LIN28B: variants seen among roughly 807,000 people sequenced by gnomAD.
LIN28B encodes lin-28 RNA binding posttranscriptional regulator B.
In LIN28B, 5 loss-of-function variants were observed where a neutral mutation model predicts 21.9. The observed-to-expected ratio is 0.23, with a 90% confidence interval of 0.12 to 0.48. The LOEUF is 0.48. Among genes scored for constraint, LIN28B ranks in the 20% least tolerant of loss-of-function variants. The probability of loss-of-function intolerance (pLI) is 0.98; values close to 1 mark genes in which losing one functional copy is unlikely to be tolerated. For synonymous variants in LIN28B, 109 were observed against 111.3 expected, an observed-to-expected ratio of 0.98 and a Z score of 0.13; for missense variants, 245 against 310.5, an observed-to-expected ratio of 0.79 and a Z score of 1.58.
At chr6:105,019,319 A>C (rs1348343105) in intron 2 of LIN28B, among the ~76,000 whole-genome samples, 2 of 152,134 alleles carry the variant, frequency 1.3e-5, no homozygotes, top group African/African-American at 4.8e-5. Context: ...GAGGGATAGG[A>C]ATGATTTAAG....
chr6:104,939,351 A>C (rs1467807802), intron 2 of LIN28B: 1 of 152,252 alleles, frequency 6.6e-6, no homozygotes, highest in African/African-American at 2.4e-5. Flanking sequence ...GGCATCTTTA[A>C]AGTAAGTGGT....
At chr6:104,940,635 C>T (rs914732466) in intron 2 of LIN28B, 5 of 150,526 alleles carry the variant, frequency 3.3e-5, no homozygotes, top group African/African-American at 1.2e-4. Context: ...GCGCGTGCCG[C>T]CGGCTGACGC....
intron 3 of LIN28B, among the ~76,000 whole-genome samples, chr6:105,037,739 G>A (rs1319373729): frequency 6.6e-6 from 1 of 151,802 alleles, no homozygotes; most frequent in African/African-American, 2.4e-5. Context: ...TCAAACTCCT[G>A]ACCTCAAGTG....
intron 2 of LIN28B, among the ~76,000 whole-genome samples, chr6:105,009,201 T>G: frequency 6.6e-6 from 1 of 152,336 alleles, no homozygotes; most frequent in South Asian, 2.1e-4. Context: ...AAAAAAAATA[T>G]ATGAACCTGG....
intron 2 of LIN28B, among the ~76,000 whole-genome samples, chr6:104,999,157 A>T (rs909749131): frequency 6.6e-6 from 1 of 151,964 alleles, no homozygotes; most frequent in Non-Finnish European, 1.5e-5. Context: ...TTATTATTTT[A>T]TTTATTTATT....
chr6:105,081,645 T>C lies in LIN28B; in HGVS notation c.*2862T>C, dbSNP rs1029706600. On this transcript the variant is annotated 3_prime_UTR_variant, in exon 4 of 4. Coordinates refer to ENST00000345080, the MANE Select transcript of LIN28B (RefSeq NM_001004317.4). ...TTCCTTAAAATAATCATGTATTTAG[T>C]TTAAAGAATTATGGGCACTGTTCAA... is the stretch of plus-strand genomic sequence containing the variant. 2 of 152,264 alleles carry C rather than the reference T, an allele frequency of 1.3e-5. No homozygotes were observed. Among genetic ancestry groups the C allele is most frequent in the Non-Finnish European group, 2.9e-5 (2 of 68,028 alleles). The allele number at this position is 152,264 out of a possible 1,614,324, so 9.4% of individuals were successfully genotyped here.
chr6:105,011,335 C>T (rs1770918122), intron 2 of LIN28B, among the ~76,000 whole-genome samples: 3 of 152,106 alleles, frequency 2.0e-5, no homozygotes, highest in Admixed American at 6.5e-5. Flanking sequence ...GGACTACAGA[C>T]ACATGTCACA....
rs547205136 is a variant in LIN28B, at chr6:105,023,983, T to G, written c.199-2315T>G. ...TAAGTGATAGAGTTTTGTTTGTTTG[T>G]TTGGTTGTTTTTTTTTGAGACAGGG... is the stretch of plus-strand genomic sequence containing the variant. On this transcript the variant is annotated intron_variant, in intron 2 of 3. Transcript: ENST00000345080. Among the ~76,000 whole-genome samples, 13 of 151,822 alleles carry G rather than the reference T, an allele frequency of 8.6e-5. 1 individual carries two copies. The highest frequency in any genetic ancestry group is 7.8e-4 in the East Asian group (4 of 5,158).
intron 2 of LIN28B, among the ~76,000 whole-genome samples, chr6:105,007,019 G>A (rs942037428): frequency 1.3e-5 from 2 of 152,102 alleles, no homozygotes; most frequent in Non-Finnish European, 2.9e-5. Flanking sequence ...ATTCATATAT[G>A]CTCTTGCCAT....
intron 3 of LIN28B, among the ~76,000 whole-genome samples, chr6:105,072,179 G>T (rs1269062656): frequency 6.6e-6 from 1 of 151,904 alleles, no homozygotes; most frequent in East Asian, 1.9e-4. Flanking sequence ...CAATATTGTT[G>T]GGTATAACAT....
At position 105,032,733 on chromosome 6, in the gene LIN28B, T is replaced by A. The variant is rs547932739; in HGVS notation, c.383+6251T>A. 6.5e-3 allele frequency among the ~76,000 whole-genome samples: 973 copies of A among 150,392 alleles called. 28 individuals are homozygous for A. The East Asian group carries it at 0.1, about 15-fold the overall frequency. ...AGACCCTGCCTCAAAAAAAAAAAAA[T>A]TTTTTTTAACCATTCTGTTAGGCGT... On this transcript the variant is annotated intron_variant, in intron 3 of 3. Transcript: ENST00000345080.
intron 2 of LIN28B, among the ~76,000 whole-genome samples, chr6:104,986,063 T>C (rs915111219): frequency 6.6e-6 from 1 of 152,094 alleles, no homozygotes; most frequent in African/African-American, 2.4e-5. Flanking sequence ...GGGGGCCGAT[T>C]TTCTACTTGC....
chr6:105,037,467 TCTCCTCCC>T (rs1771541901), intron 3 of LIN28B, among the ~76,000 whole-genome samples: 1 of 147,744 alleles, frequency 6.8e-6, no homozygotes, highest in South Asian at 2.2e-4. Flanking sequence ...TCCCCTCACT[TCTCCTCCC>T]CTCTCCTCCC....
intron 2 of LIN28B, among the ~76,000 whole-genome samples, chr6:104,970,476 C>T (rs967350004): frequency 6.6e-6 from 1 of 152,050 alleles, no homozygotes; most frequent in South Asian, 2.1e-4. Flanking sequence ...AAATATTTAT[C>T]GATATGTGTC....
At chr6:104,945,795 A>C (rs1229831814) in intron 2 of LIN28B, among the ~76,000 whole-genome samples, 2 of 152,134 alleles carry the variant, frequency 1.3e-5, no homozygotes, top group African/African-American at 4.8e-5. Context: ...TTTAAGCTAA[A>C]GAATTGTGTT....
intron 2 of LIN28B, among the ~76,000 whole-genome samples, chr6:105,017,477 C>CT (rs1395151776): frequency 6.6e-6 from 1 of 152,116 alleles, no homozygotes; most frequent in African/African-American, 2.4e-5. Context: ...GAGCATTGTT[C>CT]TAGGCATTGT....
At chr6:104,938,090 A>T (rs1304315147) in intron 2 of LIN28B, among the ~76,000 whole-genome samples, 1 of 151,014 alleles carries the variant, frequency 6.6e-6, no homozygotes, top group Non-Finnish European at 1.5e-5. Flanking sequence ...TAGGCAGAAA[A>T]AAACCAAAAA....
intron 2 of LIN28B, among the ~76,000 whole-genome samples, chr6:104,973,639 C>T (rs901701195): frequency 6.6e-6 from 1 of 152,152 alleles, no homozygotes; most frequent in Middle Eastern, 3.2e-3. Flanking sequence ...AAGTGTCGTT[C>T]CTTGACGAAG....
chr6:105,005,378 G>A (rs1228221621), intron 2 of LIN28B, among the ~76,000 whole-genome samples: 1 of 151,588 alleles, frequency 6.6e-6, no homozygotes, highest in South Asian at 2.1e-4. Context: ...CCTTCTGTTC[G>A]TAGAACTATT....
Sources: allele counts gnomAD v4.1 joint callset (sites outside exome capture counted in the v4.1 genomes callset), GRCh38; gene constraint gnomAD v4.1.1; transcripts MANE v1.5; gene names NCBI Gene and HGNC (gene_info 2026-07-23, HGNC 2026-07-21).